TBC1D4: variants seen among roughly 807,000 people sequenced by gnomAD.
TBC1D4 encodes TBC (Tre-2, BUB2, CDC16) domain-containing protein.
TBC1D4 carries 121 observed loss-of-function variants against 142.5 expected under a neutral mutation model. The observed-to-expected ratio is 0.85, with a 90% confidence interval of 0.73 to 0.99. TBC1D4 has a LOEUF of 0.99. TBC1D4 is among the 50% of genes least tolerant of loss of function. The pLI is 0.00. For missense variants in TBC1D4, 1,475 were observed against 1,606.6 expected, an observed-to-expected ratio of 0.92 and a Z score of 1.40; for synonymous variants, 630 against 628.2, an observed-to-expected ratio of 1.00 and a Z score of -0.04.
At chr13:75,289,568 T>C (rs1254429171) in intron 19 of TBC1D4, among the ~76,000 whole-genome samples, 2 of 152,158 alleles carry the variant, frequency 1.3e-5, no homozygotes, top group Non-Finnish European at 1.5e-5. Context: ...ATTACTGTAA[T>C]AAAGCAACCA....
chr13:75,359,697 C>T (rs1882340570), intron 3 of TBC1D4, 72 bp downstream of exon 3: 3 of 1,220,502 alleles, frequency 2.5e-6, no homozygotes, highest in African/African-American at 1.5e-5. Context: ...GGGGGTCAAG[C>T]CCACTTATTT....
At chr13:75,321,247 T>C (rs1047970834) in intron 11 of TBC1D4, among the ~76,000 whole-genome samples, 1 of 152,150 alleles carries the variant, frequency 6.6e-6, no homozygotes, top group Non-Finnish European at 1.5e-5. Flanking sequence ...TATGTGTACA[T>C]GATATCCTCT....
chr13:75,312,866 G>A lies in TBC1D4; in HGVS notation c.2255C>T (p.Thr752Ile), dbSNP rs182826303. The change falls in exon 13 of 21, where the codon ACC (threonine) becomes ATC (isoleucine). Residue 752 changes from threonine to isoleucine, a missense_variant. Physicochemically the swap from Thr to Ile is moderately conservative, Grantham distance 89 (BLOSUM62 -1). This residue lies in a region of TBC1D4 where 1,227 missense variants were observed against 1,267.7 expected (regional missense o/e 0.97). Coordinates refer to ENST00000377636, the MANE Select transcript of TBC1D4 (RefSeq NM_014832.5). Reference sequence around the variant, plus strand: ...CACACTTAGGGACTCATTGCTGCAGGTAGATGAGGTCCTTTTTCTCCCTTC... The same window carrying A: ...CACACTTAGGGACTCATTGCTGCAGATAGATGAGGTCCTTTTTCTCCCTTC... ...DGEGRKRTSSTCSNESLSVGG... is the reference protein window; with the variant it reads ...DGEGRKRTSSICSNESLSVGG... The A allele has an allele frequency of 2.2e-5, 35 of 1,614,198 alleles. No homozygotes were observed. The East Asian group carries it at 7.8e-4, about 36-fold the overall frequency.
intron 1 of TBC1D4, among the ~76,000 whole-genome samples, chr13:75,452,130 A>G (rs569702382): frequency 6.2e-4 from 95 of 152,254 alleles, no homozygotes; most frequent in African/African-American, 2.2e-3. Context: ...TTTTTAAAGT[A>G]CATCTTCATG....
chr13:75,362,222 C>A lies in TBC1D4; in HGVS notation c.884G>T (p.Cys295Phe). Residue 295 changes from cysteine (C) to phenylalanine (F), a missense_variant, in exon 2 of 21, where the codon TGC becomes TTC. Coordinates refer to ENST00000377636, the MANE Select transcript of TBC1D4 (RefSeq NM_014832.5). The surrounding 1 kb of genome is among the most constrained non-coding windows in gnomAD (Gnocchi z 4.2). ...ATCTTCCAAAATCCGCTCAGGGAAG[C>A]AGACCCGAGAGCTGGTCAGGGCAGG... ...SQPALTSSRV[C>F]FPERILEDSG... The A allele has an allele frequency of 6.2e-7, 1 of 1,613,876 alleles. No individual in the cohort carries two copies. Among genetic ancestry groups the A allele is most frequent in the South Asian group, 1.1e-5 (1 of 91,084 alleles).
At chr13:75,312,166 C>G (rs1027893850) in intron 13 of TBC1D4, among the ~76,000 whole-genome samples, 2 of 152,098 alleles carry the variant, frequency 1.3e-5, no homozygotes, top group Non-Finnish European at 2.9e-5. Flanking sequence ...TCAAAGAGAG[C>G]TGCCTGTGCT....
In TBC1D4 at chr13:75,367,944, C is replaced by G. The variant is rs528872258; in HGVS notation, c.499-5337G>C. ...CATTTGTATTCAAGGAAACACTAAT[C>G]ATTCCTAGCCATTTTTCCAGCTCCA... On this transcript the variant is annotated intron_variant, in intron 1 of 20. Transcript: ENST00000377636. 3.3e-5 allele frequency among the ~76,000 whole-genome samples: 5 copies of G among 152,282 alleles called. No individual in the cohort carries two copies. The South Asian group carries it at 1.0e-3, about 32-fold the overall frequency.
intron 1 of TBC1D4, among the ~76,000 whole-genome samples, chr13:75,432,740 T>C (rs1886642019): frequency 6.6e-6 from 1 of 152,124 alleles, no homozygotes; most frequent in African/African-American, 2.4e-5. Context: ...AAGATAGGTA[T>C]TATCATCTTC....
At chr13:75,311,282 G>A (rs9318335) in intron 13 of TBC1D4, among the ~76,000 whole-genome samples, 47,971 of 151,844 alleles carry the variant, frequency 0.32, 8,742 homozygotes, top group Non-Finnish European at 0.41. Flanking sequence ...CCAGAGCTTC[G>A]TCATTCCTTC....
chr13:75,436,150 GCT>G (rs749072372), intron 1 of TBC1D4, among the ~76,000 whole-genome samples: 1 of 152,124 alleles, frequency 6.6e-6, no homozygotes, highest in Non-Finnish European at 1.5e-5. Context: ...CCCTGCACAT[GCT>G]CTCCTGCCTG....
At chr13:75,291,329 A>C (rs1875283409) in intron 19 of TBC1D4, among the ~76,000 whole-genome samples, 1 of 152,188 alleles carries the variant, frequency 6.6e-6, no homozygotes, top group Non-Finnish European at 1.5e-5. Flanking sequence ...CAACCAGCAC[A>C]GAACCCTCCT....
chr13:75,289,219 A>G, intron 19 of TBC1D4, 109 bp from the exon 20 acceptor site: 2 of 1,379,368 alleles, frequency 1.4e-6, no homozygotes, highest in South Asian at 2.4e-5. Flanking sequence ...ATTAATGAAG[A>G]ACATTAAAGC....
chr13:75,410,087 T>G (rs553401174), intron 1 of TBC1D4, among the ~76,000 whole-genome samples: 1 of 152,260 alleles, frequency 6.6e-6, no homozygotes, highest in Non-Finnish European at 1.5e-5. Flanking sequence ...ACTCTCAGAG[T>G]ATTGTTGTGA....
intron 14 of TBC1D4, among the ~76,000 whole-genome samples, chr13:75,307,004 T>A (rs1877250033): frequency 6.6e-6 from 1 of 152,242 alleles, no homozygotes; most frequent in Admixed American, 6.5e-5. Context: ...AGGGTCTCAC[T>A]CTGTACCCCA....
chr13:75,338,586 C>T (rs1181142302), intron 7 of TBC1D4, among the ~76,000 whole-genome samples: 3 of 152,014 alleles, frequency 2.0e-5, no homozygotes, highest in African/African-American at 7.3e-5. Flanking sequence ...GTGATTTCTC[C>T]ATCACAAAGA....
chr13:75,456,176 C>A (rs988060432), intron 1 of TBC1D4, among the ~76,000 whole-genome samples: 1 of 152,042 alleles, frequency 6.6e-6, no homozygotes, highest in Non-Finnish European at 1.5e-5. Context: ...CCAAAACAAA[C>A]AAAGAAAGCC....
intron 12 of TBC1D4, among the ~76,000 whole-genome samples, chr13:75,319,718 T>A (rs895918450): frequency 6.6e-6 from 1 of 152,232 alleles, no homozygotes; most frequent in Non-Finnish European, 1.5e-5. Context: ...TCCACTTCTA[T>A]TAATTTAAAA....
Position 75,341,214 on chromosome 13 carries a change from G to A in TBC1D4, c.1522C>T (p.Gln508Ter). The stretch of plus-strand genomic sequence containing the variant: ...AAAATCACAAGTTCATTTTCTTCCT[G>A]GTCACTGACTGGCTTCATTTTCTGT... ...RVQKMKPVSDQEENELVILHL... is the reference protein window; with the variant it reads ...RVQKMKPVSD The change falls in exon 7 of 21, where the codon CAG becomes TAG. Residue 508 changes from glutamine to a stop codon, truncating the protein, a stop_gained. Transcript: ENST00000377636. LOFTEE classifies it high-confidence loss of function. The A allele has an allele frequency of 1.2e-6, 2 of 1,613,406 alleles. No homozygotes were observed. Among genetic ancestry groups the A allele is most frequent in the Non-Finnish European group, 1.7e-6 (2 of 1,179,862 alleles).
intron 1 of TBC1D4, among the ~76,000 whole-genome samples, chr13:75,426,885 C>CAAA (rs56281309): frequency 5.1e-5 from 7 of 137,942 alleles, no homozygotes; most frequent in African/African-American, 1.6e-4. Context: ...GGAAAAAATA[C>CAAA]AAAAAAAAAA....
Sources: allele counts gnomAD v4.1 joint callset (sites outside exome capture counted in the v4.1 genomes callset), GRCh38; gene constraint gnomAD v4.1.1; regional missense constraint gnomAD v4.1.1; non-coding constraint Gnocchi (gnomAD v3.1); transcripts MANE v1.5; gene names NCBI Gene and HGNC (gene_info 2026-07-23, HGNC 2026-07-21).